Variants in KCNH8 observed in about 807,000 individuals in gnomAD.
KCNH8 encodes the protein voltage-gated delayed rectifier potassium channel KCNH8.
A neutral mutation model predicts 103.6 loss-of-function variants in KCNH8; 70 were observed. That is an observed-to-expected ratio of 0.68 (90% CI 0.56 to 0.82). The LOEUF is 0.82. Among genes scored for constraint, KCNH8 ranks in the 40% least tolerant of loss-of-function variants. The pLI, the probability that KCNH8 is intolerant of heterozygous loss-of-function variation, is 0.00. For missense variants in KCNH8, 1,217 were observed against 1,329.9 expected, an observed-to-expected ratio of 0.92 and a Z score of 1.32; for synonymous variants, 498 against 489.4, an observed-to-expected ratio of 1.02 and a Z score of -0.23.
intron 3 of KCNH8, among the ~76,000 whole-genome samples, chr3:19,317,689 A>G (rs1365234908): frequency 6.6e-6 from 1 of 151,942 alleles, no homozygotes; most frequent in Non-Finnish European, 1.5e-5. Flanking sequence ...ATCAATAAAT[A>G]TGATTCATCA....
At chr3:19,267,369 T>C (rs1436061063) in intron 2 of KCNH8, among the ~76,000 whole-genome samples, 4 of 152,144 alleles carry the variant, frequency 2.6e-5, no homozygotes, top group Non-Finnish European at 5.9e-5. Context: ...CTCCGGCATG[T>C]AAATAGCTCT....
chr3:19,355,043 TCAAA>T (rs974724232), intron 5 of KCNH8, among the ~76,000 whole-genome samples: 4 of 151,326 alleles, frequency 2.6e-5, no homozygotes, highest in Non-Finnish European at 3.0e-5. Context: ...AAGAAAACAA[TCAAA>T]CAACCCCATC....
At chr3:19,197,947 C>A (rs777882937) in intron 1 of KCNH8, among the ~76,000 whole-genome samples, 1 of 151,946 alleles carries the variant, frequency 6.6e-6, no homozygotes, top group Non-Finnish European at 1.5e-5. Flanking sequence ...GAGCTATTGA[C>A]AAATGCTTTT....
At chr3:19,436,465 T>C (rs943891084) in intron 7 of KCNH8, among the ~76,000 whole-genome samples, 4 of 152,228 alleles carry the variant, frequency 2.6e-5, no homozygotes, top group Non-Finnish European at 4.4e-5. Context: ...GAAGAGCCAT[T>C]CTGTGAAAAA....
intron 15 of KCNH8, among the ~76,000 whole-genome samples, chr3:19,522,039 ATACTC>A (rs1172485401): frequency 1.3e-5 from 2 of 151,920 alleles, no homozygotes; most frequent in Admixed American, 1.3e-4. Flanking sequence ...TTTGGTTTAA[ATACTC>A]TACTTGCTGT....
chr3:19,265,201 C>A (rs563566043), intron 2 of KCNH8, among the ~76,000 whole-genome samples: 1 of 152,074 alleles, frequency 6.6e-6, no homozygotes, highest in Admixed American at 6.6e-5. Context: ...CCAGCTTGAT[C>A]TTTCCTAAAA....
intron 3 of KCNH8, among the ~76,000 whole-genome samples, chr3:19,291,115 C>G (rs1042965678): frequency 2.6e-5 from 4 of 152,018 alleles, no homozygotes; most frequent in African/African-American, 9.7e-5. Flanking sequence ...TTTATTGCGT[C>G]TATTTGATTC....
chr3:19,266,828 G>A (rs1206559634), intron 2 of KCNH8, among the ~76,000 whole-genome samples: 1 of 152,032 alleles, frequency 6.6e-6, no homozygotes, highest in Non-Finnish European at 1.5e-5. Flanking sequence ...TCCCAAGAAA[G>A]ACCTCTGACC....
chr3:19,410,249 A>T (rs1044132252), intron 7 of KCNH8, among the ~76,000 whole-genome samples: 1 of 152,120 alleles, frequency 6.6e-6, no homozygotes, highest in Admixed American at 6.6e-5. Context: ...CCTCTCAAAA[A>T]CCACACAATT....
chr3:19,518,909 A>C (rs1030010354), intron 15 of KCNH8, among the ~76,000 whole-genome samples: 1 of 152,066 alleles, frequency 6.6e-6, no homozygotes, highest in Non-Finnish European at 1.5e-5. Context: ...TTCTGAGACT[A>C]TATGGGTGCA....
intron 11 of KCNH8, among the ~76,000 whole-genome samples, chr3:19,462,790 C>G (rs2067659422): frequency 6.6e-6 from 1 of 152,140 alleles, no homozygotes. Context: ...ACATTTAAGT[C>G]TTTAATCCAT....
intron 1 of KCNH8, among the ~76,000 whole-genome samples, chr3:19,149,403 A>C (rs2063106604): frequency 6.6e-6 from 1 of 152,102 alleles, no homozygotes; most frequent in African/African-American, 2.4e-5. Flanking sequence ...GCTGTTCAGG[A>C]AGAAGGACAT....
At chr3:19,308,245 A>G (rs1473868707) in intron 3 of KCNH8, among the ~76,000 whole-genome samples, 1 of 151,460 alleles carries the variant, frequency 6.6e-6, no homozygotes, top group Non-Finnish European at 1.5e-5. Context: ...AAGTTTATAA[A>G]TTTTCTATGA....
chr3:19,392,214 A>T (rs2066447518), intron 6 of KCNH8, among the ~76,000 whole-genome samples: 1 of 150,740 alleles, frequency 6.6e-6, no homozygotes, highest in South Asian at 2.1e-4. Context: ...TGAATTTTAA[A>T]TATTTATATA....
At chr3:19,307,296 A>G (rs1055660543) in intron 3 of KCNH8, among the ~76,000 whole-genome samples, 1 of 152,024 alleles carries the variant, frequency 6.6e-6, no homozygotes, top group Non-Finnish European at 1.5e-5. Context: ...CCAAAAATAT[A>G]TATATGAAAA....
At chr3:19,184,691 T>G (rs2063486316) in intron 1 of KCNH8, among the ~76,000 whole-genome samples, 1 of 151,978 alleles carries the variant, frequency 6.6e-6, no homozygotes, top group African/African-American at 2.4e-5. Context: ...TTTGGTATTT[T>G]TCAAATGCAT....
At chr3:19,250,520 T>C (rs2064263677) in intron 1 of KCNH8, among the ~76,000 whole-genome samples, 1 of 152,218 alleles carries the variant, frequency 6.6e-6, no homozygotes, top group Non-Finnish European at 1.5e-5. Flanking sequence ...TGTATCTATA[T>C]AGTTTAAGAA....
intron 11 of KCNH8, among the ~76,000 whole-genome samples, chr3:19,499,074 C>T (rs1328894373): frequency 6.6e-6 from 1 of 152,038 alleles, no homozygotes; most frequent in Non-Finnish European, 1.5e-5. Context: ...ACTAGAATAA[C>T]CAATACAGAG....
At chr3:19,282,488 T>C (rs1306886421) in intron 3 of KCNH8, among the ~76,000 whole-genome samples, 1 of 152,180 alleles carries the variant, frequency 6.6e-6, no homozygotes, top group Non-Finnish European at 1.5e-5. Context: ...TGAATAAAAT[T>C]ATTCAAACAT....
Sources: allele counts gnomAD v4.1 joint callset (sites outside exome capture counted in the v4.1 genomes callset), GRCh38; gene constraint gnomAD v4.1.1; transcripts MANE v1.5; gene names NCBI Gene and HGNC (gene_info 2026-07-23, HGNC 2026-07-21).